Variants in FOXP2 observed in about 807,000 individuals in gnomAD.
FOXP2 encodes forkhead box protein P2.
FOXP2 carries 12 observed loss-of-function variants against 115.8 expected under a neutral mutation model. That is an observed-to-expected ratio of 0.10 (90% CI 0.07 to 0.17). The LOEUF is 0.17. Ranked by LOEUF, FOXP2 falls within the 10% of genes least tolerant of loss-of-function variation. The pLI is 1.00. For synonymous variants in FOXP2, 328 were observed against 297.7 expected, an observed-to-expected ratio of 1.10 and a Z score of -1.05; for missense variants, 629 against 843.5, an observed-to-expected ratio of 0.75 and a Z score of 3.15.
intron 1 of FOXP2, among the ~76,000 whole-genome samples, chr7:114,121,476 T>C (rs925455007): frequency 3.9e-5 from 6 of 152,288 alleles, no homozygotes; most frequent in African/African-American, 1.4e-4. Context: ...GAGAAGTCTA[T>C]AGGAAATCTA....
intron 1 of FOXP2, among the ~76,000 whole-genome samples, chr7:114,104,106 CT>C (rs1232955201): frequency 6.6e-6 from 1 of 151,412 alleles, no homozygotes; most frequent in Non-Finnish European, 1.5e-5. Flanking sequence ...AATGAAAGTC[CT>C]TTTTATGATG....
intron 2 of FOXP2, among the ~76,000 whole-genome samples, chr7:114,504,875 T>C (rs530888819): frequency 1.3e-5 from 2 of 151,730 alleles, no homozygotes; most frequent in Admixed American, 1.3e-4. Flanking sequence ...TATTAGATTT[T>C]AAAAATGCTC....
chr7:114,393,221 T>C (rs760435782), intron 2 of FOXP2, among the ~76,000 whole-genome samples: 1 of 152,146 alleles, frequency 6.6e-6, no homozygotes, highest in Non-Finnish European at 1.5e-5. Flanking sequence ...CTTAAGTATG[T>C]TTAAGAAACT....
chr7:114,119,716 A>G (rs1304678742), intron 1 of FOXP2, among the ~76,000 whole-genome samples: 1 of 152,164 alleles, frequency 6.6e-6, no homozygotes, highest in African/African-American at 2.4e-5. Context: ...GTCTCAAAAC[A>G]AAAGTAATTC....
chr7:114,247,164 G>A (rs1649146848), intron 1 of FOXP2, among the ~76,000 whole-genome samples: 2 of 152,068 alleles, frequency 1.3e-5, no homozygotes. Flanking sequence ...TTTAGACATA[G>A]TATTCTCCTA....
At chr7:114,590,888 G>C (rs970105666) in intron 3 of FOXP2, among the ~76,000 whole-genome samples, 1 of 152,002 alleles carries the variant, frequency 6.6e-6, no homozygotes, top group Non-Finnish European at 1.5e-5. Context: ...TTTAATAAAG[G>C]ATAATGTGAT....
chr7:114,152,344 G>C (rs1000148681), intron 1 of FOXP2, among the ~76,000 whole-genome samples: 1 of 152,174 alleles, frequency 6.6e-6, no homozygotes, highest in Non-Finnish European at 1.5e-5. Flanking sequence ...TATGGATAAA[G>C]ATGAGGGAAG....
intron 3 of FOXP2, among the ~76,000 whole-genome samples, chr7:114,615,858 T>A (rs568208422): frequency 3.4e-4 from 52 of 152,308 alleles, no homozygotes; most frequent in African/African-American, 1.3e-3. Context: ...TCTCCTTTGA[T>A]CCTATCAGTT....
chr7:114,103,747 A>G (rs912606670), intron 1 of FOXP2, among the ~76,000 whole-genome samples: 3 of 152,056 alleles, frequency 2.0e-5, no homozygotes, highest in African/African-American at 7.2e-5. Flanking sequence ...TTTATATATG[A>G]AAGACTTGTA....
At chr7:114,516,792 T>A (rs995354427) in intron 2 of FOXP2, among the ~76,000 whole-genome samples, 2 of 152,048 alleles carry the variant, frequency 1.3e-5, no homozygotes, top group African/African-American at 4.8e-5. Context: ...GCCTCCCAGG[T>A]TCAAGCAATT....
intron 1 of FOXP2, among the ~76,000 whole-genome samples, chr7:114,211,554 C>T (rs1234059386): frequency 1.3e-5 from 2 of 152,218 alleles, no homozygotes; most frequent in Non-Finnish European, 2.9e-5. Context: ...GTCGAAGGTG[C>T]TGAATTCACT....
At chr7:114,172,270 C>A (rs560437107) in intron 1 of FOXP2, among the ~76,000 whole-genome samples, 1 of 152,200 alleles carries the variant, frequency 6.6e-6, no homozygotes, top group African/African-American at 2.4e-5. Context: ...ACTGAACCTG[C>A]GATACCTCCA....
At chr7:114,140,993 A>T (rs570353550) in intron 1 of FOXP2, among the ~76,000 whole-genome samples, 10 of 152,330 alleles carry the variant, frequency 6.6e-5, no homozygotes, top group Non-Finnish European at 4.4e-5. Context: ...TAATTTTATG[A>T]TTTCTTAAAC....
At chr7:114,307,966 T>C (rs1797055863) in intron 2 of FOXP2, among the ~76,000 whole-genome samples, 1 of 152,114 alleles carries the variant, frequency 6.6e-6, no homozygotes, top group Non-Finnish European at 1.5e-5. Flanking sequence ...ATTATTTTGC[T>C]GGGCTGTGGC....
chr7:114,499,926 G>A (rs1797490402), intron 2 of FOXP2, among the ~76,000 whole-genome samples: 1 of 152,074 alleles, frequency 6.6e-6, no homozygotes, highest in Non-Finnish European at 1.5e-5. Flanking sequence ...AATCAAAAAT[G>A]TAATGTCAGC....
At chr7:114,561,775 T>G (rs1377704583) in intron 3 of FOXP2, among the ~76,000 whole-genome samples, 1 of 151,578 alleles carries the variant, frequency 6.6e-6, no homozygotes, top group Non-Finnish European at 1.5e-5. Context: ...TTTTTTGTTG[T>G]TTTTGGTGTT....
chr7:114,526,665 T>G (rs1476520174), intron 2 of FOXP2, among the ~76,000 whole-genome samples: 1 of 152,144 alleles, frequency 6.6e-6, no homozygotes, highest in African/African-American at 2.4e-5. Flanking sequence ...TGATATCTGA[T>G]AGGTCACATA....
At chr7:114,177,312 C>T (rs1793342066) in intron 1 of FOXP2, among the ~76,000 whole-genome samples, 1 of 152,076 alleles carries the variant, frequency 6.6e-6, no homozygotes, top group South Asian at 2.1e-4. Flanking sequence ...ACCAACCAGT[C>T]TTCTAGAGCA....
At chr7:114,583,227 A>G (rs946166313) in intron 3 of FOXP2, among the ~76,000 whole-genome samples, 4 of 151,728 alleles carry the variant, frequency 2.6e-5, no homozygotes, top group African/African-American at 7.3e-5. Context: ...CTAAAACCCA[A>G]AATTAGCTGG....
Sources: allele counts gnomAD v4.1 joint callset (sites outside exome capture counted in the v4.1 genomes callset), GRCh38; gene constraint gnomAD v4.1.1; transcripts MANE v1.5; gene names NCBI Gene and HGNC (gene_info 2026-07-23, HGNC 2026-07-21).